WWOX: variants seen among roughly 807,000 people sequenced by gnomAD.
WWOX encodes WW domain containing oxidoreductase.
A neutral mutation model predicts 46.2 loss-of-function variants in WWOX; 69 were observed. That is an observed-to-expected ratio of 1.49 (90% CI 1.23 to 1.82). WWOX has a LOEUF of 1.82. Among genes scored for constraint, WWOX ranks in the 40% most tolerant of loss-of-function variants. WWOX has a pLI of 0.00. For missense variants in WWOX, 919 were observed against 542.6 expected (o/e 1.69, Z -6.89); for synonymous variants, 359 against 202.6 (o/e 1.77, Z -6.56).
intron 5 of WWOX, among the ~76,000 whole-genome samples, chr16:78,316,167 A>T (rs938956968): frequency 3.8e-4 from 57 of 151,868 alleles, no homozygotes; most frequent in African/African-American, 1.3e-3. Context: ...ATCGCCTTGA[A>T]CCTGGGAGGT....
intron 8 of WWOX, among the ~76,000 whole-genome samples, chr16:78,530,594 C>T (rs372184615): frequency 2.6e-5 from 4 of 152,134 alleles, no homozygotes; most frequent in Middle Eastern, 3.4e-3. Context: ...GGGGGCAGGC[C>T]GGGCCATGGG....
At chr16:78,222,880 C>T (rs899223539) in intron 5 of WWOX, among the ~76,000 whole-genome samples, 2 of 152,202 alleles carry the variant, frequency 1.3e-5, no homozygotes, top group Non-Finnish European at 2.9e-5. Flanking sequence ...CGCTGTGGAG[C>T]GCCTCCAGAA....
rs1293746048 is a variant in WWOX at position 78,817,741 on chromosome 16, C to T, written c.1056+384989C>T. On this transcript the variant is annotated intron_variant, in intron 8 of 8. Transcript: ENST00000566780. Reference sequence around the variant, plus strand: ...TAAAATTCCCAGGACCTCTTCGGGTCCCAGCCCTTTCTCTTCCCCTGAGAT... The same window carrying T: ...TAAAATTCCCAGGACCTCTTCGGGTTCCAGCCCTTTCTCTTCCCCTGAGAT... Among the ~76,000 whole-genome samples, 2 of 152,150 alleles carry T rather than the reference C, an allele frequency of 1.3e-5. 1 individual carries two copies. The highest frequency in any genetic ancestry group is 4.8e-5 in the African/African-American group (2 of 41,426).
At chr16:78,904,559 C>T (rs2044912241) in intron 8 of WWOX, among the ~76,000 whole-genome samples, 1 of 151,988 alleles carries the variant, frequency 6.6e-6, no homozygotes, top group African/African-American at 2.4e-5. Context: ...CTGGGTGGGG[C>T]ATGGTCACTG....
intron 8 of WWOX, among the ~76,000 whole-genome samples, chr16:78,474,001 C>A (rs953061572): frequency 3.3e-5 from 5 of 152,110 alleles, no homozygotes; most frequent in South Asian, 2.1e-4. Flanking sequence ...CATAAAGTTA[C>A]CTATCAGGAC....
At chr16:78,913,994 G>A (rs2045180442) in intron 8 of WWOX, among the ~76,000 whole-genome samples, 1 of 151,908 alleles carries the variant, frequency 6.6e-6, no homozygotes, top group East Asian at 1.9e-4. Flanking sequence ...ATTGTACCAG[G>A]AAATTCACTG....
chr16:78,470,279 G>T (rs1413975419), intron 8 of WWOX, among the ~76,000 whole-genome samples: 3 of 152,166 alleles, frequency 2.0e-5, no homozygotes, highest in African/African-American at 7.2e-5. Flanking sequence ...AACTCCAGGA[G>T]GCTAGGAAAC....
intron 8 of WWOX, among the ~76,000 whole-genome samples, chr16:78,970,409 A>C (rs2151322423): frequency 6.6e-6 from 1 of 152,328 alleles, no homozygotes; most frequent in Admixed American, 6.5e-5. Flanking sequence ...CTTATTGTTG[A>C]GAGCACAGCA....
chr16:78,208,498 T>C (rs2036463712), intron 5 of WWOX, among the ~76,000 whole-genome samples: 1 of 152,200 alleles, frequency 6.6e-6, no homozygotes, highest in South Asian at 2.1e-4. Flanking sequence ...GGAATATGAA[T>C]ACGTGGCACT....
intron 8 of WWOX, among the ~76,000 whole-genome samples, chr16:79,154,949 C>A (rs771932493): frequency 6.6e-6 from 1 of 152,176 alleles, no homozygotes; most frequent in Non-Finnish European, 1.5e-5. Flanking sequence ...GCTGTCATTC[C>A]TCTGACAAGT....
At chr16:78,810,331 C>G (rs1322574676) in intron 8 of WWOX, among the ~76,000 whole-genome samples, 2 of 152,204 alleles carry the variant, frequency 1.3e-5, no homozygotes, top group Non-Finnish European at 2.9e-5. Flanking sequence ...CAATCACCTA[C>G]CCTGCCTCAT....
At chr16:78,330,457 C>T (rs893244529) in intron 5 of WWOX, among the ~76,000 whole-genome samples, 8 of 151,698 alleles carry the variant, frequency 5.3e-5, no homozygotes, top group African/African-American at 1.5e-4. Flanking sequence ...AGTGCACTGG[C>T]GTGATCTCAG....
intron 5 of WWOX, among the ~76,000 whole-genome samples, chr16:78,312,887 C>T (rs1382782861): frequency 6.6e-6 from 1 of 152,216 alleles, no homozygotes; most frequent in African/African-American, 2.4e-5. Flanking sequence ...CCTCACTTCC[C>T]ACTGCCTCTG....
At chr16:78,619,689 G>A (rs1002299393) in intron 8 of WWOX, among the ~76,000 whole-genome samples, 1 of 151,764 alleles carries the variant, frequency 6.6e-6, no homozygotes, top group African/African-American at 2.4e-5. Flanking sequence ...AGGGTCACTT[G>A]AGCCCAGCAA....
At position 78,504,577 on chromosome 16, in the gene WWOX, G is replaced by A. The variant is rs184156230; in HGVS notation, c.1056+71825G>A. On this transcript the variant is annotated intron_variant, in intron 8 of 8. Coordinates refer to ENST00000566780, the MANE Select transcript of WWOX (RefSeq NM_016373.4). ...AGACTGGCTCATTCCAGAAGTGGGC[G>A]TCGTGATGCCAGTGTCTTCGTAATA... 2.9e-4 allele frequency among the ~76,000 whole-genome samples: 44 copies of A among 152,316 alleles called. No homozygotes were observed. The Middle Eastern group carries it at 0.01, about 35-fold the overall frequency.
chr16:78,301,835 T>C (rs181765597), intron 5 of WWOX, among the ~76,000 whole-genome samples: 1 of 152,266 alleles, frequency 6.6e-6, no homozygotes, highest in Admixed American at 6.5e-5. Context: ...GACTGAGCCT[T>C]TCTTCCACCT....
At chr16:78,499,949 C>T (rs562368959) in intron 8 of WWOX, among the ~76,000 whole-genome samples, 7 of 152,222 alleles carry the variant, frequency 4.6e-5, no homozygotes, top group African/African-American at 1.4e-4. Flanking sequence ...TGGTCCTTAC[C>T]GTTCTGAGGC....
chr16:78,998,617 G>A (rs1883690241), intron 8 of WWOX, among the ~76,000 whole-genome samples: 1 of 152,156 alleles, frequency 6.6e-6, no homozygotes, highest in Non-Finnish European at 1.5e-5. Flanking sequence ...ATATACAATA[G>A]GTGTAATAGT....
At chr16:79,177,732 A>G (rs2050829312) in intron 8 of WWOX, among the ~76,000 whole-genome samples, 1 of 152,202 alleles carries the variant, frequency 6.6e-6, no homozygotes, top group East Asian at 1.9e-4. Flanking sequence ...ATTCTTTTAC[A>G]AAAAGGGTCA....
Sources: allele counts gnomAD v4.1 joint callset (sites outside exome capture counted in the v4.1 genomes callset), GRCh38; gene constraint gnomAD v4.1.1; transcripts MANE v1.5; gene names NCBI Gene and HGNC (gene_info 2026-07-23, HGNC 2026-07-21).